Variants in ACACB observed in about 807,000 individuals in gnomAD.
ACACB encodes the protein acetyl-CoA carboxylase 2.
In ACACB, 209 loss-of-function variants were observed where a neutral mutation model predicts 278.8. The ratio of observed to expected loss-of-function variants is 0.75; its 90% CI spans 0.67 to 0.84. The LOEUF is 0.84. ACACB is among the 40% of genes least tolerant of loss of function. The probability of loss-of-function intolerance (pLI) is 0.00; values close to 1 mark genes in which losing one functional copy is unlikely to be tolerated. For missense variants in ACACB, 2,850 were observed against 3,269.0 expected (o/e 0.87, Z 3.13); for synonymous variants, 1,174 against 1,285.6 (o/e 0.91, Z 1.86).
At chr12:109,175,475 G>A (rs530301486) in intron 7 of ACACB, among the ~76,000 whole-genome samples, 31 of 152,244 alleles carry the variant, frequency 2.0e-4, no homozygotes, top group African/African-American at 7.5e-4. Context: ...AACTGTAGTG[G>A]CATGATCATA....
chr12:109,116,402 C>T (rs974930249), upstream of ACACB, among the ~76,000 whole-genome samples: 3 of 152,084 alleles, frequency 2.0e-5, no homozygotes, highest in Non-Finnish European at 2.9e-5. Flanking sequence ...TGAAATAAAG[C>T]GAGTTATGGG....
In ACACB at chr12:109,210,871, A is replaced by C. The variant is rs562360956; in HGVS notation, c.3249+1518A>C. ...GGAGGTTGCAGTGAGCCGAGATCGC[A>C]CCACTGTGCTCCAGAAAAAAAAAAA... is the stretch of plus-strand genomic sequence containing the variant. On this transcript the variant is annotated intron_variant, in intron 21 of 52. Transcript: ENST00000338432. 2.7e-5 allele frequency among the ~76,000 whole-genome samples: 4 copies of C among 150,842 alleles called. No homozygotes were observed. The South Asian group carries it at 8.4e-4, about 32-fold the overall frequency.
intron 1 of ACACB, among the ~76,000 whole-genome samples, chr12:109,119,797 A>G (rs1022370597): frequency 4.7e-4 from 72 of 152,128 alleles, no homozygotes; most frequent in African/African-American, 1.7e-3. Flanking sequence ...TGGGAGGCTG[A>G]GGCAGGAGAA....
chr12:109,161,162 G>A (rs1207608322), intron 2 of ACACB, among the ~76,000 whole-genome samples: 1 of 152,154 alleles, frequency 6.6e-6, no homozygotes, highest in Non-Finnish European at 1.5e-5. Flanking sequence ...CCACTACTGG[G>A]TATGTACACA....
intron 39 of ACACB, 26 bp from the exon 40 acceptor site, chr12:109,247,580 G>A (rs771798850): frequency 2.6e-5 from 40 of 1,560,736 alleles, no homozygotes; most frequent in African/African-American, 8.2e-5. Flanking sequence ...AACTGGATTC[G>A]TAGCCTCACT....
chr12:109,208,197 A>T (rs1242998768), intron 20 of ACACB, among the ~76,000 whole-genome samples: 4 of 150,756 alleles, frequency 2.7e-5, no homozygotes, highest in African/African-American at 9.8e-5. Context: ...CTGCCTGATG[A>T]TTATTACCAC....
At chr12:109,197,741 C>T (rs1355376888) in intron 17 of ACACB, among the ~76,000 whole-genome samples, 3 of 151,912 alleles carry the variant, frequency 2.0e-5, no homozygotes, top group African/African-American at 7.3e-5. Flanking sequence ...GTCTGATCAC[C>T]CCGAGATCAC....
chr12:109,239,136 C>T (rs1223419249), intron 34 of ACACB, among the ~76,000 whole-genome samples: 1 of 149,758 alleles, frequency 6.7e-6, no homozygotes, highest in Non-Finnish European at 1.5e-5. Context: ...AGGCTGGTCT[C>T]GAACTCCTGA....
chr12:109,209,412 G>T, intron 21 of ACACB, 59 bp downstream of exon 21: 1 of 1,518,808 alleles, frequency 6.6e-7, no homozygotes, highest in Non-Finnish European at 8.9e-7. Context: ...GCCGGCTCCC[G>T]GTCTGGCTCG....
chr12:109,209,379 C>T (rs1208888162), intron 21 of ACACB, 26 bp downstream of exon 21: 3 of 1,591,926 alleles, frequency 1.9e-6, no homozygotes, highest in Non-Finnish European at 2.6e-6. Context: ...CCCAGCCCCA[C>T]CCCACCAGGA....
intron 4 of ACACB, among the ~76,000 whole-genome samples, chr12:109,171,204 A>G (rs1190998682): frequency 6.6e-6 from 1 of 151,888 alleles, no homozygotes; most frequent in East Asian, 1.9e-4. Context: ...TTTAAATAGG[A>G]CTTTTTTTAA....
intron 16 of ACACB, among the ~76,000 whole-genome samples, chr12:109,194,626 G>A (rs1366571200): frequency 2.0e-5 from 3 of 150,232 alleles, no homozygotes; most frequent in Non-Finnish European, 4.4e-5. Context: ...GTGTGTGTGT[G>A]TGTGTGTGTG....
At chr12:109,199,664 A>C (rs1370668303) in intron 18 of ACACB, 112 bp downstream of exon 18, 3 of 1,120,576 alleles carry the variant, frequency 2.7e-6, no homozygotes, top group Non-Finnish European at 2.3e-6. Context: ...ACTGTCTGCA[A>C]ATTTCTAAGG....
intron 28 of ACACB, among the ~76,000 whole-genome samples, chr12:109,228,064 G>A (rs2046365445): frequency 2.7e-5 from 4 of 148,818 alleles, no homozygotes; most frequent in Admixed American, 2.7e-4. Flanking sequence ...GCCAAACACA[G>A]TAGTGGCTCA....
Position 109,258,308 on chromosome 12 carries a change from C to T in ACACB, c.6304C>T (p.Arg2102Trp), listed in dbSNP as rs747445383. 2.8e-5 allele frequency: 45 copies of T among 1,612,678 alleles called. No individual in the cohort carries two copies. Among genetic ancestry groups the T allele is most frequent in the East Asian group, 8.9e-5 (4 of 44,848 alleles). ...CGTGGGAGTGATTGCTGTGGAGACACGGACTGTGGAGGTGGCAGTCCCTGC... is the reference window on the plus strand; with the variant it reads ...CGTGGGAGTGATTGCTGTGGAGACATGGACTGTGGAGGTGGCAGTCCCTGC... ...IPVGVIAVET[R>W]TVEVAVPADP... The change falls in exon 46 of 53, where the codon CGG becomes TGG. Residue 2102 changes from arginine to tryptophan, a missense_variant. By Grantham distance (101) the Arg-to-Trp change is moderately radical (BLOSUM62 -3). Transcript: ENST00000338432.
At chr12:109,258,072 T>C (rs2047276005) in intron 45 of ACACB, among the ~76,000 whole-genome samples, 196 bp from the exon 46 acceptor site, 1 of 152,210 alleles carries the variant, frequency 6.6e-6, no homozygotes, top group South Asian at 2.1e-4. Flanking sequence ...GGTTCTTGCC[T>C]CAAAAAGGGC....
chr12:109,253,170 C>A lies in ACACB; in HGVS notation c.6045+12C>A. On this transcript the variant is annotated intron_variant, in intron 43 of 52. Coordinates refer to ENST00000338432, the MANE Select transcript of ACACB (RefSeq NM_001093.4). ...CCTATATGCCAAAGGTGCAGTACTC[C>A]CCCTGCAGCTTAGAACCTGGAAGAC... 1 of 1,538,142 alleles carries A rather than the reference C, an allele frequency of 6.5e-7. No homozygotes were observed. The highest frequency in any genetic ancestry group is 2.3e-5 in the East Asian group (1 of 43,498).
chr12:109,222,871 A>G lies in ACACB; in HGVS notation c.3751A>G (p.Ile1251Val), dbSNP rs368475621. ...GGTGGAGTCCATTTTCCTGTCTGCCATTGACATGTACGGCCACCAGTTCTG... is the reference window on the plus strand; with the variant it reads ...GGTGGAGTCCATTTTCCTGTCTGCCGTTGACATGTACGGCCACCAGTTCTG... ...NQVESIFLSA[I>V]DMYGHQFCPE... The change falls in exon 26 of 53, where the codon ATT becomes GTT. Residue 1251 changes from isoleucine to valine, a missense_variant. Physicochemically the swap from Ile to Val is conservative, Grantham distance 29 (BLOSUM62 3). Coordinates refer to ENST00000338432, the MANE Select transcript of ACACB (RefSeq NM_001093.4). 10 of 1,613,340 alleles carry G rather than the reference A, an allele frequency of 6.2e-6. No individual in the cohort carries two copies. The highest frequency in any genetic ancestry group is 1.6e-4 in the Middle Eastern group (1 of 6,084).
intron 43 of ACACB, among the ~76,000 whole-genome samples, chr12:109,253,640 A>G (rs2047152792): frequency 6.6e-6 from 1 of 152,230 alleles, no homozygotes; most frequent in South Asian, 2.1e-4. Flanking sequence ...AACGTTTGGT[A>G]GGTCCTCACC....
Sources: allele counts gnomAD v4.1 joint callset (sites outside exome capture counted in the v4.1 genomes callset), GRCh38; gene constraint gnomAD v4.1.1; transcripts MANE v1.5; gene names NCBI Gene and HGNC (gene_info 2026-07-23, HGNC 2026-07-21).